The following CNGB1 variants were observed in gnomAD, a reference collection of about 807,000 sequenced individuals.
CNGB1 encodes cyclic nucleotide-gated channel beta-1.
CNGB1 carries 126 observed loss-of-function variants against 151.7 expected under a neutral mutation model. The ratio of observed to expected loss-of-function variants is 0.83; its 90% CI spans 0.72 to 0.96. The LOEUF is 0.96. Ranked by LOEUF, CNGB1 falls within the 40% of genes least tolerant of loss-of-function variation. The pLI, the probability that CNGB1 is intolerant of heterozygous loss-of-function variation, is 0.00. For missense variants in CNGB1, 1,698 were observed against 1,627.0 expected (o/e 1.04, Z -0.75); for synonymous variants, 623 against 635.1 (o/e 0.98, Z 0.29).
intron 17 of CNGB1, among the ~76,000 whole-genome samples, chr16:57,923,854 T>C (rs1961115182): frequency 6.6e-6 from 1 of 152,190 alleles, no homozygotes; most frequent in Admixed American, 6.5e-5. Flanking sequence ...CCTTTTCAGC[T>C]ATCAGAGAAG....
At chr16:57,964,645 G>C in intron 2 of CNGB1, 101 bp from the exon 3 acceptor site, 104 of 1,042,910 alleles carry the variant, frequency 1.0e-4, no homozygotes, top group African/African-American at 7.8e-5. Context: ...CCCCACAAAA[G>C]ACCTGAACGA....
In CNGB1 at chr16:57,959,938, G is replaced by A. The variant is rs764682451; in HGVS notation, c.711C>T (p.Pro237=). Residue 237 remains proline, a synonymous_variant, in exon 10 of 33, where the codon CCC becomes CCT. Coordinates refer to ENST00000251102, the MANE Select transcript of CNGB1 (RefSeq NM_001297.5). ...PKEAPAPEPQ[P]GSQAQTSSLP... ...GGGAGGAGGTCTGGGCCTGGGAGCC[G>A]GGCTGGGGCTCTGGAGCTGGTGCCT... 2.0e-5 allele frequency: 31 copies of A among 1,584,014 alleles called. No homozygotes were observed. The highest frequency in any genetic ancestry group is 1.0e-4 in the Admixed American group (6 of 57,252).
At position 57,957,328 on chromosome 16, in the gene CNGB1, ATG is replaced by A. The variant is rs1962114839; in HGVS notation, c.874+11_874+12del. 6 of 1,612,906 alleles carry A rather than the reference ATG, an allele frequency of 3.7e-6. No individual in the cohort carries two copies. In the East Asian group the frequency reaches 1.3e-4, roughly 36 times the overall value. On this transcript the variant is annotated intron_variant, in intron 12 of 32. Transcript: ENST00000251102. The stretch of plus-strand genomic sequence containing the variant: ...CTAATATGTACATGGGGACTCAGTA[ATG>A]TGTCACTTACTGGTCTGCACATCAC...
chr16:57,960,142 A>AG lies in CNGB1; in HGVS notation c.584-78dup. The AG allele has an allele frequency of 2.6e-6, 4 of 1,526,878 alleles. No individual in the cohort carries two copies. The Admixed American group carries it at 7.9e-5, about 30-fold the overall frequency. 94.6% of individuals were successfully genotyped at this position (1,526,878 alleles called of 1,614,324 possible). ...TCCAACCCCTCAAGGGCACGGGGCC[A>AG]GATTCGAGTCGCTAACAGGACTGAA... On this transcript the variant is annotated intron_variant, in intron 9 of 32. Transcript: ENST00000251102.
At chr16:57,909,594 G>T (rs1056591014) in intron 25 of CNGB1, among the ~76,000 whole-genome samples, 7 of 152,116 alleles carry the variant, frequency 4.6e-5, no homozygotes, top group African/African-American at 1.7e-4. Flanking sequence ...TCGCCATGTC[G>T]ACTAGGCTGG....
intron 25 of CNGB1, among the ~76,000 whole-genome samples, chr16:57,906,870 C>T (rs1484138338): frequency 6.6e-6 from 1 of 152,088 alleles, no homozygotes; most frequent in Admixed American, 6.6e-5. Context: ...TGGGGACCAT[C>T]TGTGCTTCAG....
intron 16 of CNGB1, among the ~76,000 whole-genome samples, chr16:57,932,813 C>A (rs1329207346): frequency 6.6e-6 from 1 of 152,232 alleles, no homozygotes; most frequent in East Asian, 1.9e-4. Flanking sequence ...ATCTCCTGAC[C>A]TCGTGATCCA....
At chr16:57,939,040 G>C (rs1305609499) in intron 16 of CNGB1, among the ~76,000 whole-genome samples, 1 of 152,228 alleles carries the variant, frequency 6.6e-6, no homozygotes, top group Non-Finnish European at 1.5e-5. Context: ...GGTAGCCCAA[G>C]AGCTGCATCC....
intron 18 of CNGB1, among the ~76,000 whole-genome samples, chr16:57,920,916 T>C (rs1306848942): frequency 1.3e-5 from 2 of 152,190 alleles, no homozygotes; most frequent in East Asian, 3.8e-4. Flanking sequence ...ATGAGATATG[T>C]GTCCAGGGGC....
intron 27 of CNGB1, among the ~76,000 whole-genome samples, chr16:57,902,166 G>A (rs1428966603): frequency 6.6e-6 from 1 of 152,068 alleles, no homozygotes; most frequent in Non-Finnish European, 1.5e-5. Context: ...CACCTCCCTA[G>A]TACAAGTGAT....
intron 18 of CNGB1, among the ~76,000 whole-genome samples, chr16:57,921,186 C>G (rs544156356): frequency 1.4e-5 from 2 of 145,492 alleles, no homozygotes; most frequent in Admixed American, 6.9e-5. Flanking sequence ...TTGAGCTCAA[C>G]TGAGGAAGAC....
In CNGB1 at chr16:57,962,400, C is replaced by T. The variant is rs151023925; in HGVS notation, c.458+165G>A. ...CCCACCACAAACCATGAGCAGCACA[C>T]GGTCCACTGTCCCCATTCTATGGCT... On this transcript the variant is annotated intron_variant, in intron 7 of 32. Transcript: ENST00000251102. Among the ~76,000 whole-genome samples, 190 of 152,310 alleles carry T rather than the reference C, an allele frequency of 1.2e-3. 1 individual carries two copies. Among genetic ancestry groups the T allele is most frequent in the African/African-American group, 4.2e-3 (173 of 41,566 alleles).
chr16:57,967,964 C>A (rs1021296485), intron 1 of CNGB1, among the ~76,000 whole-genome samples: 2 of 152,096 alleles, frequency 1.3e-5, no homozygotes, highest in African/African-American at 4.8e-5. Flanking sequence ...ACTAAATGTT[C>A]ATCTCTAAGA....
At position 57,904,844 on chromosome 16, in the gene CNGB1, T is replaced by A. The variant is rs768977947; in HGVS notation, c.2524A>T (p.Thr842Ser). The A allele has an allele frequency of 6.2e-7, 1 of 1,614,024 alleles. No homozygotes were observed. The highest frequency in any genetic ancestry group is 1.1e-5 in the South Asian group (1 of 91,074). Residue 842 changes from threonine to serine, a missense_variant, in exon 26 of 33, where the codon ACC becomes TCC. Transcript: ENST00000251102. ...YIRCYYFAVKTLITIGGLPDP... is the reference protein window; with the variant it reads ...YIRCYYFAVKSLITIGGLPDP... Reference sequence around the variant, plus strand: ...GGCAGCCCCCCGATGGTGATGAGGGTCTTCACAGCAAAGTAGTAACAGCGA... The same window carrying A: ...GGCAGCCCCCCGATGGTGATGAGGGACTTCACAGCAAAGTAGTAACAGCGA...
At position 57,920,444 on chromosome 16, in the gene CNGB1, C is replaced by T. The variant is rs2149366500; in HGVS notation, c.1744G>A (p.Val582Met). ...TCAGGGTCAATGAGTTTCTCCTTCA[C>T]TTTCTCTGTCCGCTCCTTGAAGAGC... is the stretch of plus-strand genomic sequence containing the variant. ...VKLFKERTEK[V>M]KEKLIDPDVT... The change falls in exon 19 of 33, where the codon GTG (valine) becomes ATG (methionine). Residue 582 changes from valine (V) to methionine (M), a missense_variant. Coordinates refer to ENST00000251102, the MANE Select transcript of CNGB1 (RefSeq NM_001297.5). The T allele has an allele frequency of 6.2e-7, 1 of 1,614,226 alleles. No individual in the cohort carries two copies. The highest frequency in any genetic ancestry group is 1.1e-5 in the South Asian group (1 of 91,084).
At chr16:57,915,370 G>C in intron 22 of CNGB1, 35 bp from the exon 23 acceptor site, 1 of 1,525,608 alleles carries the variant, frequency 6.6e-7, no homozygotes, top group South Asian at 1.1e-5. Context: ...GGGGTAAAAC[G>C]GATGACTCCA....
intron 2 of CNGB1, among the ~76,000 whole-genome samples, chr16:57,966,528 GT>G (rs988782522): frequency 1.3e-5 from 2 of 152,212 alleles, no homozygotes; most frequent in Non-Finnish European, 2.9e-5. Context: ...TGATTAAGCA[GT>G]TTGCACCAGA....
At chr16:57,902,476 A>T (rs548943608) in intron 27 of CNGB1, among the ~76,000 whole-genome samples, 12 of 151,428 alleles carry the variant, frequency 7.9e-5, no homozygotes, top group South Asian at 2.1e-4. Flanking sequence ...GCTAAAAAAA[A>T]TTTTTTTCTT....
Position 57,955,221 on chromosome 16 carries a change from T to C in CNGB1, c.874+2120A>G, listed in dbSNP as rs972606003. 5.2e-6 allele frequency: 8 copies of C among 1,537,100 alleles called. No individual in the cohort carries two copies. The African/African-American group carries it at 1.1e-4, about 21-fold the overall frequency. On this transcript the variant is annotated intron_variant, in intron 12 of 32. Coordinates refer to ENST00000251102, the MANE Select transcript of CNGB1 (RefSeq NM_001297.5). The stretch of plus-strand genomic sequence containing the variant: ...AGTGTGTGGAGAGGGAGGGGTTCGC[T>C]GTTCAAATAGGGTGGGGTGTCAGTG...
Sources: allele counts gnomAD v4.1 joint callset (sites outside exome capture counted in the v4.1 genomes callset), GRCh38; gene constraint gnomAD v4.1.1; transcripts MANE v1.5; gene names NCBI Gene and HGNC (gene_info 2026-07-23, HGNC 2026-07-21).